The following ZFYVE26 variants were observed in gnomAD, a reference collection of about 807,000 sequenced individuals.
ZFYVE26 encodes the protein zinc finger FYVE-type containing 26, also known as zinc finger FYVE domain-containing protein 26.
Under a neutral mutation model 276.5 loss-of-function variants are expected in ZFYVE26, and 181 were observed. That is an observed-to-expected ratio of 0.65 (90% CI 0.58 to 0.74). The LOEUF is 0.74. ZFYVE26 is among the 30% of genes least tolerant of loss of function. The pLI, the probability that ZFYVE26 is intolerant of heterozygous loss-of-function variation, is 0.00. For synonymous variants in ZFYVE26, 1,129 were observed against 1,203.1 expected, an observed-to-expected ratio of 0.94 and a Z score of 1.27; for missense variants, 2,821 against 3,097.9, an observed-to-expected ratio of 0.91 and a Z score of 2.12.
intron 3 of ZFYVE26, among the ~76,000 whole-genome samples, chr14:67,811,227 A>T (rs1283234404): frequency 6.6e-6 from 1 of 152,224 alleles, no homozygotes; most frequent in Non-Finnish European, 1.5e-5. Context: ...AGAATCCTAA[A>T]GACTGAGTAG....
intron 21 of ZFYVE26, among the ~76,000 whole-genome samples, chr14:67,782,025 A>G (rs1259524135): frequency 6.6e-6 from 1 of 152,206 alleles, no homozygotes; most frequent in African/African-American, 2.4e-5. Flanking sequence ...TCTTGGAGAT[A>G]CAAAAAACAG....
chr14:67,769,995 T>C (rs1210148238), intron 28 of ZFYVE26: 3 of 509,772 alleles, frequency 5.9e-6, no homozygotes, highest in African/African-American at 3.9e-5. Flanking sequence ...GGAGGCAACA[T>C]GTGGAAAAAC....
chr14:67,767,952 C>T, intron 30 of ZFYVE26, 112 bp from the exon 31 acceptor site: 6 of 1,442,706 alleles, frequency 4.2e-6, no homozygotes, highest in Non-Finnish European at 5.8e-6. Flanking sequence ...ATCTCAGGGC[C>T]CCTTTCTCTC....
chr14:67,734,509 CA>C (rs1284466942), intron 13 of ZFYVE26: 4 of 154,924 alleles, frequency 2.6e-5, no homozygotes, highest in Non-Finnish European at 5.7e-5. Context: ...ATCAGGAAAC[CA>C]GCCTGCTAGT....
rs562540798 is a variant in ZFYVE26 at position 67,764,672 on chromosome 14, CTG to C, written c.6011+1553_6011+1554del. Among the ~76,000 whole-genome samples the C allele has an allele frequency of 2.3e-3, 350 of 152,306 alleles. 1 individual carries two copies. The highest frequency in any genetic ancestry group is 8.1e-3 in the African/African-American group (335 of 41,568). The stretch of plus-strand genomic sequence containing the variant: ...CAATGAATCCACTCCCATCAACAAA[CTG>C]GTGCAAAGGGAAAGATTCTTAGAGT... On this transcript the variant is annotated intron_variant, in intron 32 of 41. Transcript: ENST00000347230.
In ZFYVE26 at chr14:67,776,115, G is replaced by C. The variant is rs777742282; in HGVS notation, c.4975-9C>G. Reference sequence around the variant, plus strand: ...GGCAGGGTCAGCAGAATCTGTTTGTGGGGTAGATCCATAGAGTAAAGAAAA... The same window carrying C: ...GGCAGGGTCAGCAGAATCTGTTTGTCGGGTAGATCCATAGAGTAAAGAAAA... On this transcript the variant is annotated splice_polypyrimidine_tract_variant and intron_variant, in intron 25 of 41. Coordinates refer to ENST00000347230, the MANE Select transcript of ZFYVE26 (RefSeq NM_015346.4). 2 of 1,614,022 alleles carry C rather than the reference G, an allele frequency of 1.2e-6. No homozygotes were observed. Among genetic ancestry groups the C allele is most frequent in the East Asian group, 4.5e-5 (2 of 44,888 alleles).
chr14:67,767,648 A>G, intron 31 of ZFYVE26, 56 bp downstream of exon 31: 3 of 1,612,800 alleles, frequency 1.9e-6, no homozygotes, highest in Non-Finnish European at 2.5e-6. Flanking sequence ...ATTTCTTGTC[A>G]TACTGCTACA....
chr14:67,814,757 A>G (rs2040368477), intron 2 of ZFYVE26, among the ~76,000 whole-genome samples: 1 of 152,246 alleles, frequency 6.6e-6, no homozygotes, highest in African/African-American at 2.4e-5. Context: ...TATGCTAAAA[A>G]CAGGACTTTA....
intron 31 of ZFYVE26, 121 bp from the exon 32 acceptor site, chr14:67,766,568 A>C (rs2140199813): frequency 1.1e-6 from 1 of 895,484 alleles, no homozygotes; most frequent in South Asian, 1.5e-5. Flanking sequence ...CCCTGGAAGA[A>C]GGAACCAGAT....
exon 14 of ZFYVE26, chr14:67,729,819 T>C (rs771373048): frequency 2.1e-6 from 1 of 480,498 alleles, no homozygotes; most frequent in East Asian, 5.9e-5. Flanking sequence ...ATTGGCACTA[T>C]CTGTTGAAAT....
At chr14:67,797,853 T>C in intron 11 of ZFYVE26, 98 bp from the exon 12 acceptor site, 1 of 1,576,672 alleles carries the variant, frequency 6.3e-7, no homozygotes, top group Non-Finnish European at 8.7e-7. Context: ...CACTGGGCTC[T>C]GAGACATGGA....
chr14:67,776,191 G>C (rs1055867719), intron 25 of ZFYVE26, 85 bp from the exon 26 acceptor site: 6 of 1,590,180 alleles, frequency 3.8e-6, no homozygotes, highest in Admixed American at 3.3e-5. Flanking sequence ...GAAGGGGAAG[G>C]GTGCATGAGA....
chr14:67,772,402 C>T (rs557985163), intron 27 of ZFYVE26, among the ~76,000 whole-genome samples, 192 bp from the exon 28 acceptor site: 54 of 152,344 alleles, frequency 3.5e-4, no homozygotes, highest in African/African-American at 8.7e-4. Context: ...TGGATGTGTA[C>T]ACCACCTGCT....
intron 13 of ZFYVE26, among the ~76,000 whole-genome samples, chr14:67,740,191 CT>C (rs1198481613): frequency 1.3e-5 from 2 of 152,108 alleles, no homozygotes; most frequent in Non-Finnish European, 2.9e-5. Flanking sequence ...CTGTTTTCAT[CT>C]TAATAAAATC....
Position 67,766,420 on chromosome 14 carries a change from T to C in ZFYVE26, c.5818A>G (p.Ile1940Val). The C allele has an allele frequency of 6.2e-7, 1 of 1,612,232 alleles. No homozygotes were observed. The highest frequency in any genetic ancestry group is 8.5e-7 in the Non-Finnish European group (1 of 1,179,982). The part of the protein sequence containing the change: ...QAPSASLCIA[I>V]LNLHRDSIAC... ...ATGCTGTCCCGGTGCAGATTCAGGA[T>C]GGCAATGCACAAGGAGGCGCTGGGG... The change falls in exon 32 of 42, where the codon ATC becomes GTC. Residue 1940 changes from isoleucine to valine, a missense_variant. Physicochemically the swap from Ile to Val is conservative, Grantham distance 29 (BLOSUM62 3). Transcript: ENST00000347230.
chr14:67,780,851 G>C (rs4143685), intron 22 of ZFYVE26, among the ~76,000 whole-genome samples: 103,328 of 152,170 alleles, frequency 0.68, 35,542 homozygotes, highest in East Asian at 0.98. Context: ...CTATTTTATA[G>C]TTGTTATGTA....
chr14:67,762,254 C>T lies in ZFYVE26; in HGVS notation c.6318G>A (p.Val2106=). 1 of 1,614,152 alleles carries T rather than the reference C, an allele frequency of 6.2e-7. No homozygotes were observed. ...LNQLNHGSRL[V]QDVVEYLEST... ...ACTCTAGGTACTCAACCACATCCTG[C>T]ACCAGCCTTGAGCCATGATTCAGCT... The change falls in exon 34 of 42, where the codon GTG becomes GTA. Residue 2106 remains valine, a synonymous_variant. Transcript: ENST00000347230.
intron 12 of ZFYVE26, 54 bp from the exon 13 acceptor site, chr14:67,794,293 G>C: frequency 6.4e-7 from 1 of 1,574,574 alleles, no homozygotes; most frequent in Non-Finnish European, 8.7e-7. Context: ...TTATAGAGTA[G>C]GAAGTGTGAA....
In ZFYVE26 at chr14:67,773,551, G is replaced by GCACACACACACACA. The variant is rs200418943; in HGVS notation, c.5321-1342_5321-1341insTGTGTGTGTGTGTG. Among the ~76,000 whole-genome samples the GCACACACACACACA allele has an allele frequency of 5.3e-3, 672 of 125,870 alleles. 10 individuals carry two copies. Among genetic ancestry groups the GCACACACACACACA allele is most frequent in the African/African-American group, 0.015 (545 of 36,372 alleles). The allele number at this position is 125,870 out of a possible 152,430, so 82.6% of individuals were successfully genotyped here. On this transcript the variant is annotated intron_variant, in intron 27 of 41. Coordinates refer to ENST00000347230, the MANE Select transcript of ZFYVE26 (RefSeq NM_015346.4). ...CCTGTCTCCAAAAAAAAAAAAAAAG[G>GCACACACACACACA]CGCACACACACACACACACACCCCA...
Sources: gnomAD v4.1 joint callset for allele counts (sites outside exome capture counted in the v4.1 genomes callset) on GRCh38, gnomAD v4.1.1 for gene constraint, MANE v1.5 for transcripts, NCBI Gene and HGNC (gene_info 2026-07-23, HGNC 2026-07-21) for gene names.